Variants in PCDHA4 observed in about 807,000 individuals in gnomAD.
PCDHA4 encodes the protein protocadherin alpha 4.
Under a neutral mutation model 61.4 loss-of-function variants are expected in PCDHA4, and 49 were observed. The observed-to-expected ratio is 0.80, with a 90% confidence interval of 0.63 to 1.01. The LOEUF (loss-of-function observed/expected upper bound fraction) is 1.01. Ranked by LOEUF, PCDHA4 falls within the 50% of genes least tolerant of loss-of-function variation. The probability of loss-of-function intolerance (pLI) is 0.00; values close to 1 mark genes in which losing one functional copy is unlikely to be tolerated. For synonymous variants in PCDHA4, 590 were observed against 550.3 expected (o/e 1.07, Z -1.01); for missense variants, 1,254 against 1,235.8 (o/e 1.01, Z -0.22).
intron 3 of PCDHA4, among the ~76,000 whole-genome samples, chr5:140,985,188 C>T (rs1186148399): frequency 6.6e-6 from 1 of 152,192 alleles, no homozygotes; most frequent in African/African-American, 2.4e-5. Context: ...CCGCCTGCCT[C>T]GGTCTCCCAA....
chr5:140,808,786 T>C lies in PCDHA4; in HGVS notation c.1599T>C (p.Phe533=), dbSNP rs1554124782. Residue 533 remains phenylalanine, a synonymous_variant, in exon 1 of 4, where the codon TTT becomes TTC. Coordinates refer to ENST00000530339, the MANE Select transcript of PCDHA4 (RefSeq NM_018907.4). ...ACGAGGAGCTAGAGCTGCTGCAGTTTCAGGTGACCGCTCGCGATGCCGGCG... is the reference window on the plus strand; with the variant it reads ...ACGAGGAGCTAGAGCTGCTGCAGTTCCAGGTGACCGCTCGCGATGCCGGCG... ...LDHEELELLQ[F]QVTARDAGVP... 9 of 1,612,390 alleles carry C rather than the reference T, an allele frequency of 5.6e-6. No individual in the cohort carries two copies. The highest frequency in any genetic ancestry group is 3.3e-5 in the South Asian group (3 of 91,016).
chr5:140,871,226 G>T, intron 1 of PCDHA4: 1 of 1,613,918 alleles, frequency 6.2e-7, no homozygotes, highest in South Asian at 1.1e-5. Flanking sequence ...GTGGTGTCCA[G>T]CCTCCTGGTA....
In PCDHA4 at chr5:140,809,545, G is replaced by T; in HGVS notation, c.2358G>T (p.Leu786=). The change falls in exon 1 of 4, where the codon CTG becomes CTT. Residue 786 remains leucine, a synonymous_variant. Transcript: ENST00000530339. ...ACTCTAGGGACAGAGAAGATCAGCT[G>T]CAGACAACTGAGGAATCCTTTGCAA... ...LPDSRDREDQ[L]QTTEESFAKP... 6.2e-7 allele frequency: 1 copy of T among 1,613,146 alleles called. No individual in the cohort carries two copies. The highest frequency in any genetic ancestry group is 8.5e-7 in the Non-Finnish European group (1 of 1,179,512).
intron 1 of PCDHA4, among the ~76,000 whole-genome samples, chr5:140,960,541 C>G (rs1200507322): frequency 6.6e-6 from 1 of 151,924 alleles, no homozygotes; most frequent in African/African-American, 2.4e-5. Context: ...GAAACTGTGG[C>G]CTTCATATAG....
chr5:140,938,245 C>T (rs1008412260), intron 1 of PCDHA4, among the ~76,000 whole-genome samples: 1 of 152,168 alleles, frequency 6.6e-6, no homozygotes, highest in South Asian at 2.1e-4. Context: ...CATGCCTGGT[C>T]TTTTAAAAAC....
At position 140,858,183 on chromosome 5, in the gene PCDHA4, C is replaced by T. The variant is rs1417282608; in HGVS notation, c.2385+48611C>T. The T allele has an allele frequency of 1.1e-5, 17 of 1,597,392 alleles. 4 individuals carry two copies. The highest frequency in any genetic ancestry group is 5.5e-5 in the South Asian group (5 of 90,536). On this transcript the variant is annotated intron_variant, in intron 1 of 3. Transcript: ENST00000530339. ...GCGGTGTCCAGCTTGCTGGTGCTCA[C>T]GCTGCTGCTGTACACTGCACTGAGG...
chr5:140,970,894 C>T (rs1302694264), intron 1 of PCDHA4, among the ~76,000 whole-genome samples: 1 of 152,090 alleles, frequency 6.6e-6, no homozygotes, highest in Non-Finnish European at 1.5e-5. Context: ...ATGGACATTT[C>T]AGATAGATTT....
chr5:140,839,620 G>T (rs1299548975), intron 1 of PCDHA4, among the ~76,000 whole-genome samples: 2 of 151,980 alleles, frequency 1.3e-5, no homozygotes, highest in Non-Finnish European at 2.9e-5. Flanking sequence ...AAACTCCTGA[G>T]ATATCGAGAA....
At chr5:140,979,137 A>G (rs1554240284) in intron 2 of PCDHA4, 130 bp downstream of exon 2, 1 of 1,459,542 alleles carries the variant, frequency 6.9e-7, no homozygotes, top group Non-Finnish European at 9.0e-7. Context: ...GGAAAATGCA[A>G]TTATTTTGTC....
intron 1 of PCDHA4, chr5:140,869,197 C>T: frequency 6.2e-7 from 1 of 1,614,026 alleles, no homozygotes; most frequent in Non-Finnish European, 8.5e-7. Context: ...CGGCCAGCTC[C>T]ACTACTCCGT....
At chr5:140,997,978 C>T (rs1205743045) in intron 3 of PCDHA4, among the ~76,000 whole-genome samples, 2 of 152,182 alleles carry the variant, frequency 1.3e-5, no homozygotes, top group African/African-American at 2.4e-5. Context: ...TTGGACTGCA[C>T]TTGTTACATA....
intron 1 of PCDHA4, among the ~76,000 whole-genome samples, chr5:140,903,666 A>T (rs1554191076): frequency 6.6e-6 from 1 of 152,228 alleles, no homozygotes; most frequent in African/African-American, 2.4e-5. Flanking sequence ...AATTTAACTG[A>T]TATAAAAGAT....
rs199928168 is a variant in PCDHA4, at chr5:141,009,915, C to T, written c.2822C>T (p.Thr941Met). The part of the protein sequence containing the change: ...TQEKKEKGNS[T>M]TDNSDQ The stretch of plus-strand genomic sequence containing the variant: ...GAGAAAAAAGAGAAAGGGAACAGCA[C>T]GACTGACAACAGTGACCAGTGAGGT... The change falls in exon 4 of 4, where the codon ACG becomes ATG. Residue 941 changes from threonine to methionine, a missense_variant. Physicochemically the swap from Thr to Met is moderately conservative, Grantham distance 81. Coordinates refer to ENST00000530339, the MANE Select transcript of PCDHA4 (RefSeq NM_018907.4). The T allele has an allele frequency of 9.0e-4, 1,448 of 1,611,544 alleles. 2 individuals carry two copies. Among genetic ancestry groups the T allele is most frequent in the Admixed American group, 3.7e-3 (222 of 59,324 alleles).
At chr5:140,843,066 C>T (rs2150351563) in intron 1 of PCDHA4, 4 of 1,595,216 alleles carry the variant, frequency 2.5e-6, no homozygotes, top group Non-Finnish European at 3.4e-6. Context: ...AAGCTGGTGC[C>T]GCGGTCTGTG....
At chr5:140,818,428 T>A (rs1180551475) in intron 1 of PCDHA4, among the ~76,000 whole-genome samples, 1 of 152,252 alleles carries the variant, frequency 6.6e-6, no homozygotes, top group East Asian at 1.9e-4. Context: ...AATATATTTC[T>A]AACTTGGGTA....
intron 3 of PCDHA4, among the ~76,000 whole-genome samples, chr5:140,986,524 G>C (rs2097203903): frequency 6.6e-6 from 1 of 152,198 alleles, no homozygotes; most frequent in South Asian, 2.1e-4. Flanking sequence ...GCCTGTGAGG[G>C]AACTGGCCTG....
intron 1 of PCDHA4, among the ~76,000 whole-genome samples, chr5:140,951,315 C>T (rs782114634): frequency 6.6e-6 from 1 of 151,988 alleles, no homozygotes. Context: ...ATGTGTTATT[C>T]TTGAGATTCA....
chr5:140,836,018 G>A (rs1480987765), intron 1 of PCDHA4: 2 of 1,613,364 alleles, frequency 1.2e-6, no homozygotes, highest in Non-Finnish European at 1.7e-6. Context: ...TGCCGCCTCT[G>A]GGCAGCAACG....
At chr5:140,976,424 G>A (rs2096715736) in intron 1 of PCDHA4, among the ~76,000 whole-genome samples, 1 of 152,114 alleles carries the variant, frequency 6.6e-6, no homozygotes, top group Non-Finnish European at 1.5e-5. Flanking sequence ...GGTGGCAGAT[G>A]CCTGTAATCC....
Sources: allele counts gnomAD v4.1 joint callset (sites outside exome capture counted in the v4.1 genomes callset), GRCh38; gene constraint gnomAD v4.1.1; transcripts MANE v1.5; gene names NCBI Gene and HGNC (gene_info 2026-07-23, HGNC 2026-07-21).